Variants in TCTN1 observed in about 807,000 individuals in gnomAD.
TCTN1 encodes tectonic-1.
In TCTN1, 58 loss-of-function variants were observed where a neutral mutation model predicts 65.8. That is an observed-to-expected ratio of 0.88 (90% CI 0.71 to 1.10). The LOEUF (loss-of-function observed/expected upper bound fraction) is 1.10, where lower values mean the gene tolerates loss of function less well. TCTN1 is among the 50% of genes least tolerant of loss of function. TCTN1 has a pLI of 0.00. For missense variants in TCTN1, 645 were observed against 719.4 expected, an observed-to-expected ratio of 0.90 and a Z score of 1.18; for synonymous variants, 273 against 289.1, an observed-to-expected ratio of 0.94 and a Z score of 0.57.
At chr12:110,616,348 C>T (rs757218327) in intron 1 of TCTN1, 8 of 394,346 alleles carry the variant, frequency 2.0e-5, no homozygotes, top group South Asian at 1.4e-4. Flanking sequence ...ACCTCCTAGG[C>T]TCAGGTGATC....
chr12:110,622,150 T>A (rs796776027), intron 2 of TCTN1, among the ~76,000 whole-genome samples: 18 of 149,486 alleles, frequency 1.2e-4, no homozygotes, highest in African/African-American at 3.9e-4. Flanking sequence ...AAAATAATAA[T>A]AATAATAATG....
chr12:110,615,626 G>C (rs968339506), intron 1 of TCTN1, among the ~76,000 whole-genome samples: 1 of 152,014 alleles, frequency 6.6e-6, no homozygotes, highest in African/African-American at 2.4e-5. Context: ...AACCACAGGC[G>C]TGCTCCCCCA....
rs2136118478 is a variant in TCTN1 at position 110,639,681 on chromosome 12, C to A, written c.844-702C>A. Among the ~76,000 whole-genome samples, 1 of 152,118 alleles carries A rather than the reference C, an allele frequency of 6.6e-6. No individual in the cohort carries two copies. The highest frequency in any genetic ancestry group is 1.5e-5 in the Non-Finnish European group (1 of 68,006). On this transcript the variant is annotated intron_variant, in intron 7 of 14. Coordinates refer to ENST00000397659, the MANE Select transcript of TCTN1 (RefSeq NM_001082538.3). This position sits in a 1 kb window ranked among gnomAD's most constrained non-coding sequence, Gnocchi z 4.9. ...TTTTGTGTGTATTTGAGATATAATTCATATACCATAAAACTCACCATTTTA... is the reference window on the plus strand; with the variant it reads ...TTTTGTGTGTATTTGAGATATAATTAATATACCATAAAACTCACCATTTTA...
chr12:110,638,524 A>G (rs1248078043), intron 7 of TCTN1, among the ~76,000 whole-genome samples: 3 of 152,138 alleles, frequency 2.0e-5, no homozygotes, highest in East Asian at 1.9e-4. Flanking sequence ...AGTTTCATTG[A>G]GTATGCTGGA....
intron 14 of TCTN1, chr12:110,648,791 A>G: frequency 3.5e-6 from 1 of 285,336 alleles, no homozygotes; most frequent in Non-Finnish European, 6.6e-6. Flanking sequence ...CAGGGAAAAG[A>G]GAGAGTTTAT....
chr12:110,627,119 G>A (rs1230810508), intron 3 of TCTN1, among the ~76,000 whole-genome samples: 1 of 140,144 alleles, frequency 7.1e-6, no homozygotes, highest in Non-Finnish European at 1.5e-5. Flanking sequence ...TTTTTTTGAG[G>A]CAGAGTCTCA....
Position 110,640,518 on chromosome 12 carries a change from G to A in TCTN1, c.978+1G>A, listed in dbSNP as rs886039436. 1 of 1,614,192 alleles carries A rather than the reference G, an allele frequency of 6.2e-7. No homozygotes were observed. Among genetic ancestry groups the A allele is most frequent in the Non-Finnish European group, 8.5e-7 (1 of 1,180,032 alleles). On this transcript the variant is annotated splice_donor_variant, in intron 8 of 14. Coordinates refer to ENST00000397659, the MANE Select transcript of TCTN1 (RefSeq NM_001082538.3). LOFTEE classifies it high-confidence loss of function. The surrounding 1 kb of genome is among the most constrained non-coding windows in gnomAD (Gnocchi z 4.9). ...CCTTTGCGTGAATGTTGTTCTTGAG[G>A]TAGGTGCCGAGTTTGGCTTTGAGAG...
At chr12:110,647,124 T>C in intron 12 of TCTN1, 72 bp from the exon 13 acceptor site, 1 of 1,576,282 alleles carries the variant, frequency 6.3e-7, no homozygotes, top group East Asian at 2.2e-5. Context: ...ATGTGAAACC[T>C]TTTATAATTA....
At chr12:110,625,999 A>AC (rs2065813711) in intron 2 of TCTN1, 3 of 196,434 alleles carry the variant, frequency 1.5e-5, no homozygotes. Flanking sequence ...TGATCCGCCT[A>AC]CCTCGGCCTC....
rs1182740779 is a variant in TCTN1, at chr12:110,614,407, G to A, written c.220+5G>A. The A allele has an allele frequency of 6.3e-7, 1 of 1,590,524 alleles. No homozygotes were observed. Among genetic ancestry groups the A allele is most frequent in the Non-Finnish European group, 8.6e-7 (1 of 1,168,640 alleles). On this transcript the variant is annotated splice_donor_5th_base_variant and intron_variant, in intron 1 of 14. Coordinates refer to ENST00000397659, the MANE Select transcript of TCTN1 (RefSeq NM_001082538.3). ...GGCCTACCCCAGTCACGGACGGTGG[G>A]TACCATGTGCCAGCTCCTGGAGTCC... is the stretch of plus-strand genomic sequence containing the variant.
Position 110,622,465 on chromosome 12 carries a change from C to A in TCTN1, c.341+2509C>A, listed in dbSNP as rs190621327. ...AGTGGATGGCAGTTTCTACATCAAG[C>A]ACGATGAGAAGGCAGAGGAATGGCA... On this transcript the variant is annotated intron_variant, in intron 2 of 14. Coordinates refer to ENST00000397659, the MANE Select transcript of TCTN1 (RefSeq NM_001082538.3). Among the ~76,000 whole-genome samples the A allele has an allele frequency of 1.3e-3, 193 of 152,238 alleles. 1 individual carries two copies. Among genetic ancestry groups the A allele is most frequent in the African/African-American group, 4.5e-3 (189 of 41,542 alleles).
At chr12:110,645,327 T>C (rs2067227449) in intron 12 of TCTN1, 198 bp downstream of exon 12, 2 of 641,468 alleles carry the variant, frequency 3.1e-6, no homozygotes, top group Non-Finnish European at 5.4e-6. Flanking sequence ...TGAGCCTCTG[T>C]TTTCATCTGT....
chr12:110,628,749 G>T lies in TCTN1; in HGVS notation c.473-18G>T. The T allele has an allele frequency of 6.3e-7, 1 of 1,580,020 alleles. No homozygotes were observed. Among genetic ancestry groups the T allele is most frequent in the Non-Finnish European group, 8.7e-7 (1 of 1,154,866 alleles). On this transcript the variant is annotated intron_variant, in intron 3 of 14. Coordinates refer to ENST00000397659, the MANE Select transcript of TCTN1 (RefSeq NM_001082538.3). ...ATATTTTATACCGATTTAAAATACT[G>T]TTTTTTTTAAAAAACAGATAAACCT... is the stretch of plus-strand genomic sequence containing the variant.
rs927237161 is a variant in TCTN1, at chr12:110,620,506, C to G, written c.341+550C>G. Among the ~76,000 whole-genome samples, 13 of 152,064 alleles carry G rather than the reference C, an allele frequency of 8.5e-5. No individual in the cohort carries two copies. In the South Asian group the frequency reaches 1.7e-3, roughly 19 times the overall value. ...ATACATTAAAATAATGTAATGAAAC[C>G]TCTGTGTTTGAAGATTGAATTACAT... On this transcript the variant is annotated intron_variant, in intron 2 of 14. Coordinates refer to ENST00000397659, the MANE Select transcript of TCTN1 (RefSeq NM_001082538.3).
At chr12:110,638,111 G>T (rs1040937901) in intron 7 of TCTN1, among the ~76,000 whole-genome samples, 1 of 152,094 alleles carries the variant, frequency 6.6e-6, no homozygotes, top group Non-Finnish European at 1.5e-5. Context: ...GCTGCCCATG[G>T]CTGCACAGCT....
chr12:110,636,535 T>C, intron 7 of TCTN1, 34 bp downstream of exon 7: 1 of 1,190,724 alleles, frequency 8.4e-7, no homozygotes, highest in Non-Finnish European at 1.2e-6. Flanking sequence ...TAATAGAAAG[T>C]AGGATAGTTT....
rs1288557043 is a variant in TCTN1, at chr12:110,639,483, C to T, written c.844-900C>T. ...GTGTATGTGTGTGTGAGCGTGCTTG[C>T]GCTTGTATAGAAGTTGTGTATAAAT... On this transcript the variant is annotated intron_variant, in intron 7 of 14. Transcript: ENST00000397659. The surrounding 1 kb of genome is among the most constrained non-coding windows in gnomAD (Gnocchi z 4.9). Among the ~76,000 whole-genome samples, 1 of 151,436 alleles carries T rather than the reference C, an allele frequency of 6.6e-6. No homozygotes were observed. Among genetic ancestry groups the T allele is most frequent in the Non-Finnish European group, 1.5e-5 (1 of 67,882 alleles).
chr12:110,641,204 T>C lies in TCTN1; in HGVS notation c.1104+55T>C. On this transcript the variant is annotated intron_variant, in intron 9 of 14. Coordinates refer to ENST00000397659, the MANE Select transcript of TCTN1 (RefSeq NM_001082538.3). The stretch of plus-strand genomic sequence containing the variant: ...TAATTGCCAAGTTAAAAAGAAATAA[T>C]GACTTCTCAGTGGATAAAACTGAAT... 2.5e-6 allele frequency: 4 copies of C among 1,611,810 alleles called. No individual in the cohort carries two copies. In the South Asian group the frequency reaches 4.4e-5, roughly 18 times the overall value.
In TCTN1 at chr12:110,649,203, C is replaced by G. The variant is rs1182831903; in HGVS notation, c.*162C>G. The G allele has an allele frequency of 1.5e-6, 1 of 681,874 alleles. No homozygotes were observed. The highest frequency in any genetic ancestry group is 1.8e-5 in the African/African-American group (1 of 55,802). 42.2% of individuals were successfully genotyped at this position (681,874 alleles called of 1,614,324 possible). A position where few individuals can be genotyped will look rare whatever the true frequency, so the allele number is the denominator to read the frequency against. ...ATGAGAAAATGTGATACATTTGATA[C>G]AGTGTGGGGTGGGAGTGGATGGGCA... On this transcript the variant is annotated 3_prime_UTR_variant, in exon 15 of 15. Coordinates refer to ENST00000397659, the MANE Select transcript of TCTN1 (RefSeq NM_001082538.3).
Sources: allele counts gnomAD v4.1 joint callset (sites outside exome capture counted in the v4.1 genomes callset), GRCh38; gene constraint gnomAD v4.1.1; non-coding constraint Gnocchi (gnomAD v3.1); transcripts MANE v1.5; gene names NCBI Gene and HGNC (gene_info 2026-07-23, HGNC 2026-07-21).